Variants in NRXN3 observed in about 807,000 individuals in gnomAD.
The protein encoded by NRXN3 is neurexin III.
In NRXN3, 32 loss-of-function variants were observed where a neutral mutation model predicts 137.6. The observed-to-expected ratio is 0.23, with a 90% CI of 0.18 to 0.31. NRXN3 has a LOEUF of 0.31. Among genes scored for constraint, NRXN3 ranks in the 10% least tolerant of loss-of-function variants. The pLI is 1.00. For synonymous variants in NRXN3, 798 were observed against 784.5 expected, an observed-to-expected ratio of 1.02 and a Z score of -0.29; for missense variants, 1,574 against 2,062.5, an observed-to-expected ratio of 0.76 and a Z score of 4.59.
chr14:78,258,468 A>G (rs891663306), intron 2 of NRXN3, among the ~76,000 whole-genome samples: 9 of 152,014 alleles, frequency 5.9e-5, no homozygotes, highest in African/African-American at 2.2e-4. Flanking sequence ...CACAAGTTTC[A>G]GGGTGGTTGT....
chr14:78,663,110 C>T (rs549596530), intron 6 of NRXN3, among the ~76,000 whole-genome samples: 1 of 152,248 alleles, frequency 6.6e-6, no homozygotes, highest in Admixed American at 6.5e-5. Context: ...GTGTCTTTCC[C>T]ACTTACATCA....
intron 16 of NRXN3, among the ~76,000 whole-genome samples, chr14:79,616,265 A>G (rs932105492): frequency 6.6e-6 from 1 of 152,194 alleles, no homozygotes; most frequent in Non-Finnish European, 1.5e-5. Flanking sequence ...AGGCTGCAGC[A>G]TGGGAGCAAC....
At chr14:79,043,531 C>T (rs1427994021) in intron 15 of NRXN3, among the ~76,000 whole-genome samples, 1 of 152,100 alleles carries the variant, frequency 6.6e-6, no homozygotes, top group Admixed American at 6.5e-5. Flanking sequence ...CCCAATTTCC[C>T]CAAATTCTTT....
intron 10 of NRXN3, among the ~76,000 whole-genome samples, chr14:78,872,407 AATG>A (rs2099103719): frequency 6.6e-6 from 1 of 151,056 alleles, no homozygotes; most frequent in Admixed American, 6.6e-5. Flanking sequence ...TTATCATATT[AATG>A]ATGAGGCTTT....
chr14:78,414,213 T>C (rs952045323), intron 4 of NRXN3, among the ~76,000 whole-genome samples: 5 of 152,070 alleles, frequency 3.3e-5, no homozygotes, highest in African/African-American at 9.7e-5. Context: ...ATTTTTTTTT[T>C]TCTGGGGGTG....
intron 4 of NRXN3, among the ~76,000 whole-genome samples, chr14:78,556,047 A>T (rs994506367): frequency 6.6e-6 from 1 of 152,220 alleles, no homozygotes; most frequent in African/African-American, 2.4e-5. Flanking sequence ...CTATGTGTGC[A>T]CTTTCACAGA....
chr14:79,616,445 G>A (rs1287701310), intron 16 of NRXN3, among the ~76,000 whole-genome samples: 3 of 152,130 alleles, frequency 2.0e-5, no homozygotes, highest in Non-Finnish European at 4.4e-5. Flanking sequence ...AGGAAGCAAG[G>A]AAAAGGGGTC....
chr14:78,243,276 G>T lies in NRXN3; in HGVS notation c.183G>T (p.Thr61=), dbSNP rs955668083. ...TCCAGTTCAAGACCAACGTCTCTAC[G>T]GGGCTGCTCCTCTACCTGGATGATG... is the stretch of plus-strand genomic sequence containing the variant. ...LSFQFKTNVS[T]GLLLYLDDGG... Residue 61 remains threonine (T), a synonymous_variant, in exon 2 of 21, where the codon ACG becomes ACT. Transcript: ENST00000335750. The surrounding 1 kb of genome is among the most constrained non-coding windows in gnomAD (Gnocchi z 4.2). The T allele has an allele frequency of 3.8e-6, 6 of 1,561,488 alleles. No homozygotes were observed. Among genetic ancestry groups the T allele is most frequent in the Non-Finnish European group, 4.3e-6 (5 of 1,161,472 alleles).
At chr14:78,963,268 A>G (rs1186063080) in intron 11 of NRXN3, among the ~76,000 whole-genome samples, 2 of 152,188 alleles carry the variant, frequency 1.3e-5, no homozygotes, top group East Asian at 1.9e-4. Flanking sequence ...AAAGTTCTCA[A>G]CTTGACTTTA....
chr14:79,272,729 C>T (rs1313964105), intron 15 of NRXN3, among the ~76,000 whole-genome samples: 1 of 152,128 alleles, frequency 6.6e-6, no homozygotes, highest in Admixed American at 6.5e-5. Context: ...TTCCAGGGAC[C>T]AATCATGAGC....
intron 16 of NRXN3, among the ~76,000 whole-genome samples, chr14:79,473,926 G>A (rs895132597): frequency 2.0e-5 from 3 of 152,268 alleles, no homozygotes; most frequent in African/African-American, 7.2e-5. Flanking sequence ...ATGATTGGAT[G>A]AAGTGACTGC....
chr14:78,698,742 G>A (rs1393838986), intron 6 of NRXN3, among the ~76,000 whole-genome samples: 3 of 151,988 alleles, frequency 2.0e-5, no homozygotes, highest in Admixed American at 1.3e-4. Flanking sequence ...CCACTCTGGG[G>A]TGCAGAACTT....
At chr14:79,434,848 C>T (rs1162440316) in intron 15 of NRXN3, among the ~76,000 whole-genome samples, 2 of 152,176 alleles carry the variant, frequency 1.3e-5, no homozygotes, top group Non-Finnish European at 2.9e-5. Context: ...TCTGAGATGA[C>T]CTAAATTGCA....
chr14:78,254,184 G>A (rs1408832965), intron 2 of NRXN3, among the ~76,000 whole-genome samples: 2 of 152,210 alleles, frequency 1.3e-5, no homozygotes, highest in African/African-American at 4.8e-5. Context: ...GAGATTTGAT[G>A]TAAGCAGGTG....
intron 16 of NRXN3, among the ~76,000 whole-genome samples, chr14:79,547,514 G>C (rs1158104657): frequency 6.6e-6 from 1 of 152,188 alleles, no homozygotes; most frequent in Non-Finnish European, 1.5e-5. Context: ...TTGATTAAAT[G>C]AGTTGCCTCT....
intron 16 of NRXN3, among the ~76,000 whole-genome samples, chr14:79,618,487 C>T (rs1413870567): frequency 6.6e-6 from 1 of 151,958 alleles, no homozygotes; most frequent in Non-Finnish European, 1.5e-5. Context: ...TAATTGCCTC[C>T]AGGTGCATCC....
chr14:78,363,318 G>A (rs1036711557), intron 4 of NRXN3, among the ~76,000 whole-genome samples: 3 of 152,184 alleles, frequency 2.0e-5, no homozygotes, highest in African/African-American at 4.8e-5. Flanking sequence ...GCAAATGATA[G>A]CTATGCCTCA....
chr14:79,608,212 T>C (rs577011005), intron 16 of NRXN3, among the ~76,000 whole-genome samples: 1 of 152,310 alleles, frequency 6.6e-6, no homozygotes, highest in East Asian at 1.9e-4. Context: ...CAAGATTTTG[T>C]ACAATTGATA....
At chr14:78,519,311 A>ATG (rs894073746) in intron 4 of NRXN3, among the ~76,000 whole-genome samples, 5 of 152,166 alleles carry the variant, frequency 3.3e-5, no homozygotes, top group Non-Finnish European at 7.4e-5. Context: ...TCTGATAAGT[A>ATG]TGTACGTAAT....
Sources: allele counts gnomAD v4.1 joint callset (sites outside exome capture counted in the v4.1 genomes callset), GRCh38; gene constraint gnomAD v4.1.1; non-coding constraint Gnocchi (gnomAD v3.1); transcripts MANE v1.5; gene names NCBI Gene and HGNC (gene_info 2026-07-23, HGNC 2026-07-21).